MARK3: variants seen among roughly 807,000 people sequenced by gnomAD.
MARK3 encodes the protein MAP/microtubule affinity-regulating kinase 3.
A neutral mutation model predicts 90.1 loss-of-function variants in MARK3; 46 were observed. The observed-to-expected ratio is 0.51, with a 90% CI of 0.40 to 0.65. The LOEUF is 0.65. Among genes scored for constraint, MARK3 ranks in the 30% least tolerant of loss-of-function variants. The probability of loss-of-function intolerance (pLI) is 0.00; values close to 1 mark genes in which losing one functional copy is unlikely to be tolerated. For missense variants in MARK3, 818 were observed against 947.2 expected (o/e 0.86, Z 1.79); for synonymous variants, 321 against 332.6 (o/e 0.97, Z 0.38).
chr14:103,465,032 A>G (rs2093476937), intron 7 of MARK3, among the ~76,000 whole-genome samples: 1 of 152,010 alleles, frequency 6.6e-6, no homozygotes. Context: ...CAGTGGCACG[A>G]TCTTGGCTCA....
chr14:103,494,254 A>C (rs1323694700), intron 15 of MARK3, among the ~76,000 whole-genome samples: 1 of 146,610 alleles, frequency 6.8e-6, no homozygotes, highest in Non-Finnish European at 1.5e-5. Flanking sequence ...AAAAAAAAAA[A>C]AGACTAGCAT....
At chr14:103,448,997 G>T in intron 4 of MARK3, 30 bp downstream of exon 4, 2 of 1,541,724 alleles carry the variant, frequency 1.3e-6, no homozygotes, top group Non-Finnish European at 1.8e-6. Context: ...ATATTTTGGG[G>T]TCTAAATACG....
intron 7 of MARK3, among the ~76,000 whole-genome samples, chr14:103,464,852 A>G (rs563291309): frequency 4.0e-4 from 61 of 152,104 alleles, no homozygotes; most frequent in Non-Finnish European, 7.9e-4. Flanking sequence ...GTGTGCCACC[A>G]TACCCAGCTA....
At chr14:103,414,206 C>CTTTCT (rs2091829849) in intron 2 of MARK3, among the ~76,000 whole-genome samples, 1 of 140,632 alleles carries the variant, frequency 7.1e-6, no homozygotes, top group South Asian at 2.2e-4. Context: ...TCTTTTCTTT[C>CTTTCT]TTTTTTTTTT....
At position 103,457,774 on chromosome 14, in the gene MARK3, T is replaced by C. The variant is rs372185886; in HGVS notation, c.483+562T>C. Among the ~76,000 whole-genome samples, 7 of 152,368 alleles carry C rather than the reference T, an allele frequency of 4.6e-5. No homozygotes were observed. In the East Asian group the frequency reaches 5.8e-4, roughly 13 times the overall value. ...ATGCCACACACTGAGATAAGTACTTTACCAACATTAAGGTAAATCTTACAG... is the reference window on the plus strand; with the variant it reads ...ATGCCACACACTGAGATAAGTACTTCACCAACATTAAGGTAAATCTTACAG... On this transcript the variant is annotated intron_variant, in intron 6 of 17. Transcript: ENST00000429436.
intron 14 of MARK3, among the ~76,000 whole-genome samples, chr14:103,484,834 T>C (rs2093894113): frequency 6.6e-6 from 1 of 151,626 alleles, no homozygotes; most frequent in Admixed American, 6.6e-5. Flanking sequence ...GGCAGGAGAA[T>C]CACTTGAACC....
intron 12 of MARK3, among the ~76,000 whole-genome samples, chr14:103,474,482 T>TCTACACCTTCACCTGTCTACTCAA (rs1555397864): frequency 2.0e-5 from 3 of 151,454 alleles, no homozygotes; most frequent in African/African-American, 7.3e-5. Context: ...TTCCTCTGCT[T>TCTACACCTTCACCTGTCTACTCAA]CTACACCTTC....
chr14:103,415,900 T>C (rs1395868433), intron 2 of MARK3, among the ~76,000 whole-genome samples: 4 of 152,160 alleles, frequency 2.6e-5, no homozygotes, highest in Admixed American at 1.3e-4. Flanking sequence ...GTTACTCCAA[T>C]AGCTTTCTCC....
At chr14:103,456,456 C>T (rs960990208) in intron 5 of MARK3, among the ~76,000 whole-genome samples, 1 of 152,182 alleles carries the variant, frequency 6.6e-6, no homozygotes, top group African/African-American at 2.4e-5. Flanking sequence ...GGCCTTCTTG[C>T]TCTTTCTCTT....
At chr14:103,414,983 C>G (rs768775320) in intron 2 of MARK3, among the ~76,000 whole-genome samples, 2 of 151,758 alleles carry the variant, frequency 1.3e-5, no homozygotes, top group Non-Finnish European at 2.9e-5. Flanking sequence ...AAAATCCCAT[C>G]TCTACTAAAA....
intron 1 of MARK3, among the ~76,000 whole-genome samples, chr14:103,389,822 T>C (rs2140441751): frequency 6.7e-6 from 1 of 150,372 alleles, no homozygotes; most frequent in East Asian, 2.0e-4. Context: ...CGGGCACCTG[T>C]AATCCCAGCT....
chr14:103,471,926 T>C (rs1013998372), intron 12 of MARK3, among the ~76,000 whole-genome samples: 1 of 152,218 alleles, frequency 6.6e-6, no homozygotes, highest in Admixed American at 6.5e-5. Flanking sequence ...GATACAAATA[T>C]AGGGCTGGGC....
At chr14:103,421,296 C>T (rs564402619) in intron 2 of MARK3, among the ~76,000 whole-genome samples, 23 of 152,276 alleles carry the variant, frequency 1.5e-4, no homozygotes, top group African/African-American at 5.5e-4. Context: ...CTTGCAGAAA[C>T]CTAACCCCCA....
intron 1 of MARK3, among the ~76,000 whole-genome samples, chr14:103,395,769 G>A (rs911067573): frequency 1.3e-5 from 2 of 152,100 alleles, no homozygotes; most frequent in Non-Finnish European, 2.9e-5. Flanking sequence ...TTTTTCCTCA[G>A]AATTTTGTTT....
At chr14:103,444,478 T>C (rs185983192) in intron 3 of MARK3, among the ~76,000 whole-genome samples, 33 of 152,344 alleles carry the variant, frequency 2.2e-4, no homozygotes, top group Middle Eastern at 3.4e-3. Context: ...AAATAAGTTG[T>C]ATTAAGATAG....
intron 14 of MARK3, chr14:103,490,519 TAC>T (rs1040145852): frequency 6.6e-6 from 1 of 152,118 alleles, no homozygotes; most frequent in Non-Finnish European, 1.5e-5. Flanking sequence ...ACCCTGTCTC[TAC>T]AAAAAAAATA....
intron 5 of MARK3, 43 bp from the exon 6 acceptor site, chr14:103,457,095 TACTC>T (rs775740016): frequency 2.6e-6 from 3 of 1,136,834 alleles, no homozygotes; most frequent in African/African-American, 3.1e-5. Flanking sequence ...GGAAAATTAA[TACTC>T]AGAAGTAGGA....
chr14:103,431,081 CGTTT>C (rs1167337758), intron 3 of MARK3, among the ~76,000 whole-genome samples: 1 of 151,612 alleles, frequency 6.6e-6, no homozygotes, highest in Non-Finnish European at 1.5e-5. Context: ...TTTGTTTGTT[CGTTT>C]GTTTTTGTTT....
intron 12 of MARK3, among the ~76,000 whole-genome samples, 183 bp downstream of exon 12, chr14:103,468,369 G>A (rs2093558774): frequency 7.6e-6 from 1 of 131,388 alleles, no homozygotes; most frequent in African/African-American, 3.0e-5. Flanking sequence ...CTGTTGCCCA[G>A]GCTGGAGTGG....
Sources: gnomAD v4.1 joint callset for allele counts (sites outside exome capture counted in the v4.1 genomes callset) on GRCh38, gnomAD v4.1.1 for gene constraint, MANE v1.5 for transcripts, NCBI Gene and HGNC (gene_info 2026-07-23, HGNC 2026-07-21) for gene names.